Variants in SNTG2 observed in about 807,000 individuals in gnomAD.
The protein encoded by SNTG2 is gamma-2-syntrophin.
In SNTG2, 74 loss-of-function variants were observed where a neutral mutation model predicts 70.9. The observed-to-expected ratio is 1.04, with a 90% confidence interval of 0.86 to 1.27. SNTG2 has a LOEUF of 1.27. Among genes scored for constraint, SNTG2 ranks in the 50% most tolerant of loss-of-function variants. The pLI is 0.00. For missense variants in SNTG2, 717 were observed against 690.7 expected, an observed-to-expected ratio of 1.04 and a Z score of -0.43; for synonymous variants, 278 against 273.8, an observed-to-expected ratio of 1.02 and a Z score of -0.15.
chr2:1,117,464 A>T (rs932967672), intron 4 of SNTG2, among the ~76,000 whole-genome samples: 21 of 152,170 alleles, frequency 1.4e-4, no homozygotes, highest in South Asian at 4.1e-4. Flanking sequence ...AGCAAAACAG[A>T]TGAAATCAAT....
At chr2:992,068 A>C (rs1661513857) in intron 1 of SNTG2, among the ~76,000 whole-genome samples, 1 of 152,208 alleles carries the variant, frequency 6.6e-6, no homozygotes, top group Admixed American at 6.5e-5. Flanking sequence ...ATGCACCTGC[A>C]GCATGAGGCA....
At chr2:1,089,461 C>A (rs946363712) in intron 2 of SNTG2, among the ~76,000 whole-genome samples, 1 of 152,042 alleles carries the variant, frequency 6.6e-6, no homozygotes, top group Non-Finnish European at 1.5e-5. Context: ...ATGGTGAAAC[C>A]CCGTTTCTAC....
At chr2:1,348,871 A>T (rs1558223804) in intron 16 of SNTG2, among the ~76,000 whole-genome samples, 1 of 152,204 alleles carries the variant, frequency 6.6e-6, no homozygotes, top group Admixed American at 6.5e-5. Flanking sequence ...TAGCTTTCTT[A>T]CCTGGTGTAT....
rs531502740 is a variant in SNTG2 at position 1,097,933 on chromosome 2, G to A, written c.211-263G>A. Among the ~76,000 whole-genome samples, 5 of 151,904 alleles carry A rather than the reference G, an allele frequency of 3.3e-5. No homozygotes were observed. The highest frequency in any genetic ancestry group is 1.2e-4 in the African/African-American group (5 of 41,450). On this transcript the variant is annotated intron_variant, in intron 2 of 16. Transcript: ENST00000308624. The surrounding 1 kb of genome is among the most constrained non-coding windows in gnomAD (Gnocchi z 4.1). ...TTCCTCACAAGCAGAATGCAGACGG[G>A]ATGACAGTTCTGTGGGGATTCTTCC... is the stretch of plus-strand genomic sequence containing the variant.
intron 13 of SNTG2, among the ~76,000 whole-genome samples, chr2:1,264,632 T>G (rs1419237643): frequency 6.6e-6 from 1 of 152,202 alleles, no homozygotes; most frequent in African/African-American, 2.4e-5. Flanking sequence ...GATGTAAACT[T>G]ATGGTGTCAA....
chr2:951,036 G>A lies in SNTG2; in HGVS notation c.40G>A (p.Gly14Arg). 7.9e-7 allele frequency: 1 copy of A among 1,264,534 alleles called. No homozygotes were observed. The highest frequency in any genetic ancestry group is 9.9e-7 in the Non-Finnish European group (1 of 1,007,732). 78.3% of individuals were successfully genotyped at this position (1,264,534 alleles called of 1,614,324 possible). A position where few individuals can be genotyped will look rare whatever the true frequency, so the allele number is the denominator to read the frequency against. Reference sequence around the variant, plus strand: ...ACCCCCGCCCCCGGCCGCCTCCCGCGGACGCCAGGGCTGCCTGCTGGTACC... The same window carrying A: ...ACCCCCGCCCCCGGCCGCCTCCCGCAGACGCCAGGGCTGCCTGCTGGTACC... ...EGPPPPAASR[G>R]RQGCLLVPAR... Residue 14 changes from glycine (G) to arginine (R), a missense_variant, in exon 1 of 17, where the codon GGA (glycine) becomes AGA (arginine). By Grantham distance (125) the Gly-to-Arg change is moderately radical (BLOSUM62 -2). Transcript: ENST00000308624.
chr2:1,347,952 A>G (rs1291094104), intron 16 of SNTG2, among the ~76,000 whole-genome samples: 6 of 152,166 alleles, frequency 3.9e-5, no homozygotes, highest in African/African-American at 1.4e-4. Context: ...GATTTTGGGT[A>G]AACAACTCAG....
intron 1 of SNTG2, among the ~76,000 whole-genome samples, chr2:987,555 C>T (rs1302507578): frequency 6.6e-6 from 1 of 152,070 alleles, no homozygotes; most frequent in Admixed American, 6.5e-5. Context: ...TCCAGCGTCT[C>T]TAGCGGCTGG....
intron 9 of SNTG2, among the ~76,000 whole-genome samples, chr2:1,212,620 G>T (rs1373450584): frequency 1.3e-5 from 2 of 152,196 alleles, no homozygotes; most frequent in Admixed American, 6.5e-5. Context: ...GCAGGAAAGG[G>T]CAAATAATAA....
intron 16 of SNTG2, among the ~76,000 whole-genome samples, chr2:1,342,230 ATG>A (rs1660146247): frequency 1.2e-5 from 1 of 86,230 alleles, no homozygotes; most frequent in Non-Finnish European, 2.1e-5. Flanking sequence ...GAATTATGTT[ATG>A]ATTACATTTG....
At chr2:1,215,054 T>C (rs1434515117) in intron 9 of SNTG2, among the ~76,000 whole-genome samples, 5 of 147,950 alleles carry the variant, frequency 3.4e-5, no homozygotes, top group Admixed American at 3.3e-4. Context: ...TTGCATGTGT[T>C]GAACCATGCT....
intron 7 of SNTG2, among the ~76,000 whole-genome samples, chr2:1,169,559 G>A (rs2147873592): frequency 6.6e-6 from 1 of 152,320 alleles, no homozygotes; most frequent in East Asian, 1.9e-4. Flanking sequence ...CTGAGGATGG[G>A]CAGCTCTTGC....
intron 6 of SNTG2, among the ~76,000 whole-genome samples, chr2:1,162,551 A>G (rs1670391066): frequency 6.6e-6 from 1 of 152,126 alleles, no homozygotes; most frequent in Non-Finnish European, 1.5e-5. Flanking sequence ...AGGTGGCTGG[A>G]CAGTGGACAG....
chr2:1,067,496 T>A (rs1178478832), intron 1 of SNTG2, among the ~76,000 whole-genome samples: 4 of 152,220 alleles, frequency 2.6e-5, no homozygotes, highest in African/African-American at 9.6e-5. Context: ...AATCAGTTAA[T>A]AACATTTTAG....
intron 16 of SNTG2, among the ~76,000 whole-genome samples, chr2:1,330,106 C>G (rs1227573181): frequency 1.3e-5 from 2 of 152,160 alleles, no homozygotes; most frequent in Non-Finnish European, 2.9e-5. Context: ...GTTCCGCCAT[C>G]AGGCTAGTGG....
At chr2:1,245,226 C>A (rs867351408) in intron 11 of SNTG2, among the ~76,000 whole-genome samples, 1 of 150,886 alleles carries the variant, frequency 6.6e-6, no homozygotes, top group Non-Finnish European at 1.5e-5. Flanking sequence ...ACATATGTAA[C>A]CTGCACATTG....
At chr2:1,197,031 CAAT>C (rs1672949893) in intron 8 of SNTG2, among the ~76,000 whole-genome samples, 1 of 152,036 alleles carries the variant, frequency 6.6e-6, no homozygotes, top group Non-Finnish European at 1.5e-5. Flanking sequence ...CAATGATAAA[CAAT>C]GAGAGAGAAA....
chr2:963,293 T>C lies in SNTG2; in HGVS notation c.72+12225T>C, dbSNP rs190656303. Among the ~76,000 whole-genome samples the C allele has an allele frequency of 6.6e-3, 998 of 152,178 alleles. 5 individuals carry two copies. The highest frequency in any genetic ancestry group is 0.011 in the Non-Finnish European group (771 of 68,004). ...ATGGAATGACCCAAAAAATTCAAAA[T>C]TGCATTAAAGTAGACAGAAAAAATG... is the stretch of plus-strand genomic sequence containing the variant. On this transcript the variant is annotated intron_variant, in intron 1 of 16. Coordinates refer to ENST00000308624, the MANE Select transcript of SNTG2 (RefSeq NM_018968.4).
intron 1 of SNTG2, among the ~76,000 whole-genome samples, chr2:1,030,395 A>G (rs1660748815): frequency 6.6e-6 from 1 of 152,198 alleles, no homozygotes; most frequent in South Asian, 2.1e-4. Flanking sequence ...TCAATTAAAA[A>G]AAGGGCAAGG....
Sources: allele counts gnomAD v4.1 joint callset (sites outside exome capture counted in the v4.1 genomes callset), GRCh38; gene constraint gnomAD v4.1.1; non-coding constraint Gnocchi (gnomAD v3.1); transcripts MANE v1.5; gene names NCBI Gene and HGNC (gene_info 2026-07-23, HGNC 2026-07-21).